Variants in RCBTB1 observed in about 807,000 individuals in gnomAD.
RCBTB1 encodes the protein RCC1 and BTB domain-containing protein 1.
Under a neutral mutation model 62.4 loss-of-function variants are expected in RCBTB1, and 46 were observed. The ratio of observed to expected loss-of-function variants is 0.74; its 90% confidence interval spans 0.58 to 0.94. The LOEUF (loss-of-function observed/expected upper bound fraction) is 0.94. Among genes scored for constraint, RCBTB1 ranks in the 40% least tolerant of loss-of-function variants. RCBTB1 has a pLI of 0.00. For synonymous variants in RCBTB1, 222 were observed against 245.8 expected, an observed-to-expected ratio of 0.90 and a Z score of 0.91; for missense variants, 565 against 654.9, an observed-to-expected ratio of 0.86 and a Z score of 1.50.
At chr13:49,570,012 T>C (rs12430943) in intron 2 of RCBTB1, among the ~76,000 whole-genome samples, 34,057 of 152,032 alleles carry the variant, frequency 0.22, 4,716 homozygotes, top group East Asian at 0.55. Context: ...AGTCAAGCCA[T>C]ATAAAGCCAT....
intron 2 of RCBTB1, among the ~76,000 whole-genome samples, chr13:49,572,616 A>C (rs1218884329): frequency 6.6e-6 from 1 of 152,134 alleles, no homozygotes; most frequent in East Asian, 1.9e-4. Context: ...CAGACTGGCC[A>C]ACATGGCAAA....
At chr13:49,573,655 T>A (rs11148154) in intron 2 of RCBTB1, among the ~76,000 whole-genome samples, 1 of 151,478 alleles carries the variant, frequency 6.6e-6, no homozygotes, top group Admixed American at 6.6e-5. Flanking sequence ...TCACCATGTT[T>A]GCCAGGCTGG....
chr13:49,550,348 G>T, intron 8 of RCBTB1: 1 of 600,714 alleles, frequency 1.7e-6, no homozygotes, highest in South Asian at 7.2e-5. Context: ...GGGCTGATAA[G>T]CATTGGCTGG....
intron 5 of RCBTB1, among the ~76,000 whole-genome samples, chr13:49,559,287 C>A (rs1326172481): frequency 6.6e-6 from 1 of 152,102 alleles, no homozygotes; most frequent in Non-Finnish European, 1.5e-5. Flanking sequence ...TGAGATAAAC[C>A]AGTTACAAAA....
Position 49,532,699 on chromosome 13 carries a change from T to C in RCBTB1, c.*1423A>G, listed in dbSNP as rs966767690. ...CCCAATAGACACAAATTTAAAAACA[T>C]TGCTAAAAATAGTAGTTGTAGCATG... On this transcript the variant is annotated 3_prime_UTR_variant, in exon 13 of 13. Transcript: ENST00000378302. 11 of 152,184 alleles carry C rather than the reference T, an allele frequency of 7.2e-5. No individual in the cohort carries two copies. Among genetic ancestry groups the C allele is most frequent in the South Asian group, 2.1e-4 (1 of 4,824 alleles). 9.4% of individuals were successfully genotyped at this position (152,184 alleles called of 1,614,324 possible). A position where few individuals can be genotyped will look rare whatever the true frequency, so the allele number is the denominator to read the frequency against.
intron 2 of RCBTB1, among the ~76,000 whole-genome samples, chr13:49,574,594 T>C (rs934559701): frequency 1.3e-5 from 2 of 151,874 alleles, no homozygotes; most frequent in Non-Finnish European, 2.9e-5. Context: ...AGGCAAAATC[T>C]GGAAAAATGA....
chr13:49,539,464 C>T (rs1037689193), intron 12 of RCBTB1: 2 of 152,188 alleles, frequency 1.3e-5, no homozygotes, highest in African/African-American at 4.8e-5. Flanking sequence ...TTTCCAGCAA[C>T]TTGAGCCGAG....
chr13:49,576,692 A>G (rs1418834098), intron 2 of RCBTB1, among the ~76,000 whole-genome samples: 1 of 152,216 alleles, frequency 6.6e-6, no homozygotes, highest in Non-Finnish European at 1.5e-5. Flanking sequence ...AGTCATCTTT[A>G]AATAGTTACT....
intron 2 of RCBTB1, among the ~76,000 whole-genome samples, chr13:49,572,410 A>C (rs7329797): frequency 0.032 from 4,875 of 152,284 alleles, 192 homozygotes; most frequent in Admixed American, 0.11. Context: ...CATCTATTAA[A>C]TTTGCCTAAA....
At chr13:49,552,391 T>A in intron 6 of RCBTB1, 106 bp from the exon 7 acceptor site, 2 of 632,342 alleles carry the variant, frequency 3.2e-6, no homozygotes, top group Non-Finnish European at 5.5e-6. Flanking sequence ...CCAACACCTA[T>A]ATTCTACTCT....
At chr13:49,559,878 GAA>G (rs199810507) in intron 5 of RCBTB1, 38 bp downstream of exon 5, 73 of 1,227,956 alleles carry the variant, frequency 5.9e-5, no homozygotes, top group Admixed American at 1.2e-4. Context: ...TTACTATGAT[GAA>G]AAAAAAAAAG....
intron 12 of RCBTB1, 80 bp from the exon 13 acceptor site, chr13:49,534,342 C>T: frequency 1.4e-6 from 2 of 1,407,586 alleles, no homozygotes; most frequent in Middle Eastern, 2.4e-4. Context: ...GAGCCCTTTA[C>T]CCCAAATCTC....
chr13:49,549,613 G>A lies in RCBTB1; in HGVS notation c.890C>T (p.Thr297Met), dbSNP rs542193072. 84 of 1,613,420 alleles carry A rather than the reference G, an allele frequency of 5.2e-5. 1 individual carries two copies. The highest frequency in any genetic ancestry group is 4.4e-4 in the South Asian group (40 of 91,002). The change falls in exon 9 of 13, where the codon ACG (threonine) becomes ATG (methionine). Residue 297 changes from threonine to methionine, a missense_variant. Coordinates refer to ENST00000378302, the MANE Select transcript of RCBTB1 (RefSeq NM_018191.4). ...CCCACCCTGCGTCTTGGCTGCAGAC[G>A]TGTGGGCAGAGTGACAGGCTGCAAT... is the stretch of plus-strand genomic sequence containing the variant. ...VEIAACHSAH[T>M]SAAKTQGGHV...
chr13:49,563,289 T>C (rs768735589), intron 4 of RCBTB1, among the ~76,000 whole-genome samples: 1 of 129,202 alleles, frequency 7.7e-6, no homozygotes, highest in Non-Finnish European at 1.5e-5. Flanking sequence ...GAGGTCAAGG[T>C]TGCAATGAGC....
At chr13:49,579,325 T>C (rs1380518608) in intron 2 of RCBTB1, among the ~76,000 whole-genome samples, 1 of 152,122 alleles carries the variant, frequency 6.6e-6, no homozygotes, top group African/African-American at 2.4e-5. Flanking sequence ...CACACAGTAC[T>C]ACAAGAATGA....
At chr13:49,564,766 C>G (rs543824525) in intron 4 of RCBTB1, among the ~76,000 whole-genome samples, 9 of 151,624 alleles carry the variant, frequency 5.9e-5, no homozygotes, top group Middle Eastern at 3.4e-3. Context: ...TGGCGGGCGC[C>G]AGTAGTCCCA....
intron 4 of RCBTB1, among the ~76,000 whole-genome samples, chr13:49,560,694 G>C (rs1962367859): frequency 1.3e-5 from 2 of 151,926 alleles, no homozygotes; most frequent in African/African-American, 4.8e-5. Context: ...GGACAATGAA[G>C]ATGGCTTGTC....
chr13:49,551,453 C>G lies in RCBTB1; in HGVS notation c.727G>C (p.Ala243Pro). The G allele has an allele frequency of 6.2e-7, 1 of 1,614,018 alleles. No homozygotes were observed. Among genetic ancestry groups the G allele is most frequent in the Non-Finnish European group, 8.5e-7 (1 of 1,179,950 alleles). The change falls in exon 8 of 13, where the codon GCA becomes CCA. Residue 243 changes from alanine (A) to proline (P), a missense_variant. By Grantham distance (27) the Ala-to-Pro change is conservative (BLOSUM62 -1). Transcript: ENST00000378302. ...TCATCTGTTAGTGCTAGAGTATGTG[C>G]GTAACCGCAGACAATCTGCAAGTAA... ...VCVNQIVCGY[A>P]HTLALTDEGL...
Position 49,580,194 on chromosome 13 carries a change from A to C in RCBTB1, c.-42+311T>G, listed in dbSNP as rs181724946. 2.0e-5 allele frequency among the ~76,000 whole-genome samples: 3 copies of C among 152,348 alleles called. No individual in the cohort carries two copies. The East Asian group carries it at 5.8e-4, about 29-fold the overall frequency. On this transcript the variant is annotated intron_variant, in intron 2 of 12. Transcript: ENST00000378302. ...CCAGAAAAGAAATATCGATGATTAG[A>C]AATAATGTTTTTTCTGTAAGTTTGT...
Sources: allele counts gnomAD v4.1 joint callset (sites outside exome capture counted in the v4.1 genomes callset), GRCh38; gene constraint gnomAD v4.1.1; transcripts MANE v1.5; gene names NCBI Gene and HGNC (gene_info 2026-07-23, HGNC 2026-07-21).